The following PARD3 variants were observed in gnomAD, a reference collection of about 807,000 sequenced individuals.
PARD3 encodes par-3 family cell polarity regulator.
Under a neutral mutation model 155.4 loss-of-function variants are expected in PARD3, and 75 were observed. The ratio of observed to expected loss-of-function variants is 0.48; its 90% CI spans 0.40 to 0.58. PARD3 has a LOEUF of 0.58. Ranked by LOEUF, PARD3 falls within the 20% of genes least tolerant of loss-of-function variation. The pLI, the probability that PARD3 is intolerant of heterozygous loss-of-function variation, is 0.00. For synonymous variants in PARD3, 576 were observed against 610.5 expected, an observed-to-expected ratio of 0.94 and a Z score of 0.83; for missense variants, 1,642 against 1,721.7, an observed-to-expected ratio of 0.95 and a Z score of 0.82.
intron 2 of PARD3, among the ~76,000 whole-genome samples, chr10:34,569,981 T>C (rs1229024060): frequency 6.6e-6 from 1 of 152,130 alleles, no homozygotes; most frequent in Non-Finnish European, 1.5e-5. Context: ...ATTCCAATGT[T>C]ATCGTAAGAC....
At chr10:34,799,841 A>T (rs891460905) in intron 1 of PARD3, among the ~76,000 whole-genome samples, 1 of 148,642 alleles carries the variant, frequency 6.7e-6, no homozygotes, top group African/African-American at 2.5e-5. Context: ...AAAAAAAAAC[A>T]AGTTAGCCAA....
At chr10:34,691,801 A>G (rs1334295160) in intron 2 of PARD3, among the ~76,000 whole-genome samples, 1 of 53,844 alleles carries the variant, frequency 1.9e-5, no homozygotes, top group Non-Finnish European at 3.2e-5. Context: ...ACCTACAACC[A>G]TCTATCTGAT....
Position 34,374,893 on chromosome 10 carries a change from G to C in PARD3, c.1649C>G (p.Ala550Gly), listed in dbSNP as rs1841061710. 1 of 1,613,694 alleles carries C rather than the reference G, an allele frequency of 6.2e-7. No individual in the cohort carries two copies. The highest frequency in any genetic ancestry group is 1.3e-5 in the African/African-American group (1 of 74,848). ...VSLLVFRQED[A>G]FHPRELNAEP... ...ACACACCAGTTCCCTTGGGTGGAAG[G>C]CGTCTTCCTGGCGAAAGACCAGAAG... The change falls in exon 11 of 25, where the codon GCC (alanine) becomes GGC (glycine). Residue 550 changes from alanine to glycine, a missense_variant. Physicochemically the swap from Ala to Gly is moderately conservative, Grantham distance 60. Around this residue, in one of 3 missense-constraint regions of PARD3, gnomAD observed 1,529 missense variants for 1,587.3 expected, o/e 0.96. Coordinates refer to ENST00000374788, the MANE Select transcript of PARD3 (RefSeq NM_001184785.2).
intron 22 of PARD3, among the ~76,000 whole-genome samples, chr10:34,212,064 T>C (rs1648710377): frequency 1.3e-5 from 2 of 151,756 alleles, no homozygotes; most frequent in African/African-American, 4.8e-5. Context: ...TGCTCTATTT[T>C]GCTTCCATGT....
intron 2 of PARD3, among the ~76,000 whole-genome samples, chr10:34,690,529 AATGAG>A (rs918725726): frequency 6.6e-6 from 1 of 152,162 alleles, no homozygotes; most frequent in Non-Finnish European, 1.5e-5. Context: ...GCTGAGCATA[AATGAG>A]TCCATTGAGT....
intron 3 of PARD3, among the ~76,000 whole-genome samples, chr10:34,486,448 G>A (rs985455910): frequency 6.6e-6 from 1 of 152,182 alleles, no homozygotes; most frequent in Admixed American, 6.5e-5. Flanking sequence ...CCAGATGAAT[G>A]GGGCAGAAGG....
intron 1 of PARD3, among the ~76,000 whole-genome samples, chr10:34,761,882 A>G (rs1837487636): frequency 6.6e-6 from 1 of 152,226 alleles, no homozygotes; most frequent in Non-Finnish European, 1.5e-5. Flanking sequence ...ATGATGTGTC[A>G]AGGATGGGAT....
intron 16 of PARD3, among the ~76,000 whole-genome samples, chr10:34,340,182 T>C (rs1836654641): frequency 6.6e-6 from 1 of 152,202 alleles, no homozygotes; most frequent in Non-Finnish European, 1.5e-5. Flanking sequence ...AATGCCACAA[T>C]CTATCCCTTC....
At chr10:34,406,406 C>A (rs969631575) in intron 5 of PARD3, among the ~76,000 whole-genome samples, 3 of 152,114 alleles carry the variant, frequency 2.0e-5, no homozygotes, top group Non-Finnish European at 4.4e-5. Flanking sequence ...CAAGGGAAGT[C>A]CTAGAACACG....
At chr10:34,482,807 A>G (rs1008094981) in intron 3 of PARD3, among the ~76,000 whole-genome samples, 1 of 152,034 alleles carries the variant, frequency 6.6e-6, no homozygotes, top group Non-Finnish European at 1.5e-5. Context: ...TAGAGGGAGG[A>G]TAGAGGGGCA....
intron 22 of PARD3, among the ~76,000 whole-genome samples, chr10:34,195,516 A>C (rs1211315977): frequency 1.3e-5 from 2 of 152,250 alleles, no homozygotes; most frequent in Non-Finnish European, 2.9e-5. Context: ...TTAAACAGAC[A>C]TAATCAAAAG....
chr10:34,156,160 T>C (rs1257351244), intron 22 of PARD3, among the ~76,000 whole-genome samples: 1 of 152,124 alleles, frequency 6.6e-6, no homozygotes, highest in Non-Finnish European at 1.5e-5. Context: ...CAGGGTGGAG[T>C]GCAGTGGTGC....
At chr10:34,176,352 T>C (rs1293836069) in intron 22 of PARD3, among the ~76,000 whole-genome samples, 2 of 151,930 alleles carry the variant, frequency 1.3e-5, no homozygotes, top group African/African-American at 2.4e-5. Context: ...TTAAGAAAAA[T>C]TGGAATGAGT....
At chr10:34,374,841 C>A in intron 11 of PARD3, 33 bp downstream of exon 11, 1 of 1,606,628 alleles carries the variant, frequency 6.2e-7, no homozygotes, top group Admixed American at 1.7e-5. Flanking sequence ...TGCTGCATAT[C>A]AGAAATCTTT....
chr10:34,648,646 C>T (rs1194049463), intron 2 of PARD3, among the ~76,000 whole-genome samples: 4 of 152,170 alleles, frequency 2.6e-5, no homozygotes, highest in Non-Finnish European at 4.4e-5. Context: ...TGACAGGCGG[C>T]GGAGCTCAGT....
At chr10:34,498,886 T>C (rs573123906) in intron 3 of PARD3, among the ~76,000 whole-genome samples, 13 of 152,304 alleles carry the variant, frequency 8.5e-5, no homozygotes, top group South Asian at 6.2e-4. Flanking sequence ...ATAAAGGTAA[T>C]GAATCACTGC....
At chr10:34,413,212 C>A (rs1845297722) in intron 5 of PARD3, among the ~76,000 whole-genome samples, 1 of 148,056 alleles carries the variant, frequency 6.8e-6, no homozygotes, top group African/African-American at 2.6e-5. Context: ...TGATAAGAAA[C>A]TAAAGTCAAT....
At chr10:34,732,003 C>T (rs916244546) in intron 1 of PARD3, among the ~76,000 whole-genome samples, 3 of 151,988 alleles carry the variant, frequency 2.0e-5, no homozygotes, top group African/African-American at 7.2e-5. Flanking sequence ...TAGCTATTTG[C>T]AGAATGAATC....
chr10:34,304,999 G>A (rs935488218), intron 20 of PARD3, among the ~76,000 whole-genome samples: 1 of 152,124 alleles, frequency 6.6e-6, no homozygotes, highest in African/African-American at 2.4e-5. Flanking sequence ...CCTTAATATA[G>A]CAAGTTAGAA....
Sources: allele counts gnomAD v4.1 joint callset (sites outside exome capture counted in the v4.1 genomes callset), GRCh38; gene constraint gnomAD v4.1.1; regional missense constraint gnomAD v4.1.1; transcripts MANE v1.5; gene names NCBI Gene and HGNC (gene_info 2026-07-23, HGNC 2026-07-21).